The following TET2 variants were observed in gnomAD, a reference collection of about 807,000 sequenced individuals.
The protein encoded by TET2 is tet methylcytosine dioxygenase 2, also known as methylcytosine dioxygenase TET2.
TET2 carries 299 observed loss-of-function variants against 142.9 expected under a neutral mutation model. That is an observed-to-expected ratio of 2.09 (90% confidence interval 1.90 to 2.30). TET2 has a LOEUF of 2.30. Among genes scored for constraint, TET2 ranks in the 30% most tolerant of loss-of-function variants. The pLI, the probability that TET2 is intolerant of heterozygous loss-of-function variation, is 0.00. For missense variants in TET2, 2,418 were observed against 2,378.0 expected (o/e 1.02, Z -0.35); for synonymous variants, 819 against 849.0 (o/e 0.96, Z 0.61).
intron 1 of TET2, chr4:105,178,105 CAAAA>C (rs1490342321): frequency 6.6e-6 from 1 of 151,410 alleles, no homozygotes; most frequent in Non-Finnish European, 1.5e-5. Flanking sequence ...AAAGCAAAAA[CAAAA>C]ACAAACAAAC....
intron 1 of TET2, among the ~76,000 whole-genome samples, chr4:105,188,563 A>G (rs1164213244): frequency 6.6e-6 from 1 of 152,222 alleles, no homozygotes; most frequent in Non-Finnish European, 1.5e-5. Flanking sequence ...TTTGAAATGA[A>G]TATCCAAAGA....
At chr4:105,223,284 T>C (rs1727958988) in intron 2 of TET2, among the ~76,000 whole-genome samples, 1 of 152,198 alleles carries the variant, frequency 6.6e-6, no homozygotes, top group Non-Finnish European at 1.5e-5. Context: ...GTCTAACATG[T>C]GGCTTGCTTA....
chr4:105,189,582 A>T (rs902652503), intron 1 of TET2, among the ~76,000 whole-genome samples: 1 of 151,256 alleles, frequency 6.6e-6, no homozygotes, highest in Non-Finnish European at 1.5e-5. Flanking sequence ...TGCCCTTGGA[A>T]CTCTGTGGAC....
chr4:105,196,456 A>C (rs140879438), intron 2 of TET2, among the ~76,000 whole-genome samples: 2 of 152,164 alleles, frequency 1.3e-5, no homozygotes, highest in African/African-American at 4.8e-5. Context: ...CAGGAATCTG[A>C]AGAACTCAGT....
chr4:105,147,227 T>C (rs958030136), intron 1 of TET2, among the ~76,000 whole-genome samples: 1 of 152,270 alleles, frequency 6.6e-6, no homozygotes, highest in African/African-American at 2.4e-5. Flanking sequence ...TCCCCTCATC[T>C]CCCAGAAAAC....
At chr4:105,273,548 C>T (rs1731065161) in intron 10 of TET2, among the ~76,000 whole-genome samples, 1 of 151,848 alleles carries the variant, frequency 6.6e-6, no homozygotes, top group Non-Finnish European at 1.5e-5. Flanking sequence ...TGAGCTCTTC[C>T]AAAATGGGAA....
chr4:105,254,747 A>T (rs116496828), intron 6 of TET2, among the ~76,000 whole-genome samples: 1 of 152,178 alleles, frequency 6.6e-6, no homozygotes, highest in Non-Finnish European at 1.5e-5. Flanking sequence ...ATAGAATGGT[A>T]TATGGCATTT....
intron 2 of TET2, among the ~76,000 whole-genome samples, chr4:105,208,821 G>A (rs1359702324): frequency 6.6e-6 from 1 of 151,608 alleles, no homozygotes; most frequent in African/African-American, 2.4e-5. Flanking sequence ...GAAACAGCAG[G>A]AAACTTGGTA....
chr4:105,219,854 G>A (rs1220417884), intron 2 of TET2, among the ~76,000 whole-genome samples: 8 of 151,948 alleles, frequency 5.3e-5, no homozygotes, highest in East Asian at 1.9e-4. Flanking sequence ...ACCACTCCCC[G>A]ATACTCTTGA....
intron 1 of TET2, among the ~76,000 whole-genome samples, chr4:105,189,999 G>A (rs895313488): frequency 7.2e-5 from 11 of 152,200 alleles, no homozygotes; most frequent in African/African-American, 2.4e-4. Flanking sequence ...GAATCTCTGA[G>A]CAAAATCCTC....
chr4:105,194,411 T>C (rs774259068), intron 2 of TET2, among the ~76,000 whole-genome samples: 3 of 152,174 alleles, frequency 2.0e-5, no homozygotes, highest in South Asian at 4.1e-4. Context: ...TTTCTACTGT[T>C]GTACTATTTT....
chr4:105,245,997 C>G (rs1247459680), intron 6 of TET2, among the ~76,000 whole-genome samples: 1 of 152,130 alleles, frequency 6.6e-6, no homozygotes, highest in Non-Finnish European at 1.5e-5. Context: ...TAATATTTTT[C>G]TCAGCTCACC....
chr4:105,200,113 C>T (rs893382721), intron 2 of TET2, among the ~76,000 whole-genome samples: 6 of 152,066 alleles, frequency 3.9e-5, no homozygotes, highest in Admixed American at 6.6e-5. Context: ...TTTGAGGAAT[C>T]GCTACACTGT....
At chr4:105,243,537 G>A (rs1008852578) in intron 5 of TET2, 33 bp from the exon 6 acceptor site, 2 of 1,544,758 alleles carry the variant, frequency 1.3e-6, no homozygotes, top group Non-Finnish European at 8.8e-7. Context: ...GTTGGGGTGG[G>A]GGGTGTTTGG....
intron 2 of TET2, among the ~76,000 whole-genome samples, chr4:105,217,738 T>C (rs566884435): frequency 2.0e-5 from 3 of 152,180 alleles, no homozygotes; most frequent in African/African-American, 7.2e-5. Flanking sequence ...AATTACACGT[T>C]AATATCCCAA....
chr4:105,260,440 C>G (rs1464382425), intron 7 of TET2, among the ~76,000 whole-genome samples: 1 of 151,514 alleles, frequency 6.6e-6, no homozygotes, highest in African/African-American at 2.4e-5. Context: ...CATTTAATAC[C>G]CCCAATAAAC....
At chr4:105,204,775 G>A (rs1351533646) in intron 2 of TET2, among the ~76,000 whole-genome samples, 2 of 151,972 alleles carry the variant, frequency 1.3e-5, no homozygotes, top group African/African-American at 2.4e-5. Flanking sequence ...ATTTTACTAC[G>A]TAAATATTCT....
chr4:105,235,479 A>C lies in TET2; in HGVS notation c.1537A>C (p.Lys513Gln), dbSNP rs775034088. Residue 513 changes from lysine to glutamine, a missense_variant, in exon 3 of 11, where the codon AAG becomes CAG. Transcript: ENST00000380013. ...EKTRPMSEHL[K>Q]HNPPIFGSSG... ...AACAAGACCAATGTCAGAACACCTC[A>C]AGCATAACCCACCAATTTTTGGTAG... 6.2e-7 allele frequency: 1 copy of C among 1,614,174 alleles called. No homozygotes were observed. The highest frequency in any genetic ancestry group is 2.2e-5 in the East Asian group (1 of 44,868).
At chr4:105,170,730 G>A (rs1446255306) in intron 1 of TET2, among the ~76,000 whole-genome samples, 1 of 152,142 alleles carries the variant, frequency 6.6e-6, no homozygotes, top group Non-Finnish European at 1.5e-5. Flanking sequence ...ATTTATATTG[G>A]CAACTGTACT....
Sources: gnomAD v4.1 joint callset for allele counts (sites outside exome capture counted in the v4.1 genomes callset) on GRCh38, gnomAD v4.1.1 for gene constraint, MANE v1.5 for transcripts, NCBI Gene and HGNC (gene_info 2026-07-23, HGNC 2026-07-21) for gene names.